The following HHAT variants were observed in gnomAD, a reference collection of about 807,000 sequenced individuals.
The protein encoded by HHAT is protein-cysteine N-palmitoyltransferase HHAT.
A neutral mutation model predicts 70.8 loss-of-function variants in HHAT; 47 were observed. The observed-to-expected ratio is 0.66, with a 90% CI of 0.53 to 0.85. The LOEUF is 0.85. Among genes scored for constraint, HHAT ranks in the 40% least tolerant of loss-of-function variants. The pLI, the probability that HHAT is intolerant of heterozygous loss-of-function variation, is 0.00. For synonymous variants in HHAT, 228 were observed against 247.6 expected (o/e 0.92, Z 0.74); for missense variants, 609 against 604.8 (o/e 1.01, Z -0.07).
intron 8 of HHAT, among the ~76,000 whole-genome samples, chr1:210,472,556 A>T (rs911222509): frequency 3.3e-5 from 5 of 152,322 alleles, no homozygotes; most frequent in Admixed American, 2.6e-4. Flanking sequence ...TGGCTTACAT[A>T]CTGACCCCTA....
chr1:210,597,456 C>T lies in HHAT; in HGVS notation c.1245+9357C>T, dbSNP rs372461132. On this transcript the variant is annotated intron_variant, in intron 10 of 11. Transcript: ENST00000261458. ...TGGTCCTGGGTGGGTCCTAAGATGCCATCCAGGAGCCAGGTCCTGGAGTCA... is the reference window on the plus strand; with the variant it reads ...TGGTCCTGGGTGGGTCCTAAGATGCTATCCAGGAGCCAGGTCCTGGAGTCA... 2.7e-4 allele frequency among the ~76,000 whole-genome samples: 41 copies of T among 152,096 alleles called. 1 individual carries two copies. The highest frequency in any genetic ancestry group is 9.9e-4 in the African/African-American group (41 of 41,534).
intron 3 of HHAT, among the ~76,000 whole-genome samples, chr1:210,368,401 C>G (rs561045066): frequency 1.8e-4 from 28 of 152,268 alleles, no homozygotes; most frequent in Non-Finnish European, 7.3e-5. Context: ...AAGTGATTCT[C>G]TTGCCTCAGC....
chr1:210,455,443 T>G (rs935592403), intron 7 of HHAT, among the ~76,000 whole-genome samples: 3 of 152,180 alleles, frequency 2.0e-5, no homozygotes, highest in African/African-American at 4.8e-5. Context: ...TTTTTTGGTT[T>G]GTTTCTTTGT....
intron 4 of HHAT, 60 bp downstream of exon 4, chr1:210,387,641 A>G (rs1168751242): frequency 7.5e-7 from 1 of 1,335,600 alleles, no homozygotes; most frequent in Non-Finnish European, 1.1e-6. Flanking sequence ...TTGTGAAGAA[A>G]GAGTCCAAGC....
intron 6 of HHAT, among the ~76,000 whole-genome samples, chr1:210,408,259 C>T (rs548137585): frequency 3.3e-5 from 5 of 152,100 alleles, no homozygotes; most frequent in African/African-American, 7.2e-5. Flanking sequence ...TTTAGCTCAT[C>T]GCAACCTCCA....
intron 4 of HHAT, among the ~76,000 whole-genome samples, chr1:210,395,550 C>G (rs537100080): frequency 6.6e-6 from 1 of 152,050 alleles, no homozygotes; most frequent in African/African-American, 2.4e-5. Context: ...GTACCTGTGC[C>G]CCATCAGTTG....
chr1:210,532,786 A>G (rs555119725), intron 9 of HHAT, among the ~76,000 whole-genome samples: 1 of 152,144 alleles, frequency 6.6e-6, no homozygotes, highest in Non-Finnish European at 1.5e-5. Context: ...ACAAACATTT[A>G]TGACATAATT....
At chr1:210,421,046 A>G (rs2092886972) in intron 7 of HHAT, among the ~76,000 whole-genome samples, 1 of 152,164 alleles carries the variant, frequency 6.6e-6, no homozygotes, top group Non-Finnish European at 1.5e-5. Flanking sequence ...AATTCTCACC[A>G]ACACTTGATA....
chr1:210,655,023 A>G (rs1241513243), intron 11 of HHAT, among the ~76,000 whole-genome samples: 4 of 152,214 alleles, frequency 2.6e-5, no homozygotes, highest in Admixed American at 1.3e-4. Context: ...CACGTCCCGA[A>G]CTGACCCAAA....
intron 8 of HHAT, among the ~76,000 whole-genome samples, chr1:210,512,684 A>AC (rs1363341531): frequency 6.1e-4 from 92 of 151,936 alleles, no homozygotes; most frequent in African/African-American, 2.1e-3. Context: ...AAAAAAAAAA[A>AC]AAAAAACCCA....
chr1:210,576,505 G>A lies in HHAT; in HGVS notation c.1044-11393G>A, dbSNP rs370025595. Among the ~76,000 whole-genome samples the A allele has an allele frequency of 1.6e-4, 22 of 135,656 alleles. No homozygotes were observed. The East Asian group carries it at 4.7e-3, about 29-fold the overall frequency. 89.0% of individuals were successfully genotyped at this position (135,656 alleles called of 152,430 possible). ...CACAGGAAGGGGAACATCACACACCGGGGACTGTTGTGGGGTCGGGGGAGG... is the reference window on the plus strand; with the variant it reads ...CACAGGAAGGGGAACATCACACACCAGGGACTGTTGTGGGGTCGGGGGAGG... On this transcript the variant is annotated intron_variant, in intron 9 of 11. Transcript: ENST00000261458.
intron 7 of HHAT, among the ~76,000 whole-genome samples, chr1:210,433,198 C>T (rs1025384168): frequency 1.1e-4 from 17 of 151,770 alleles, no homozygotes; most frequent in African/African-American, 9.7e-5. Flanking sequence ...TTTAGAGATG[C>T]GCCTATACCA....
Position 210,498,443 on chromosome 1 carries a change from A to G in HHAT, c.1008-14710A>G, listed in dbSNP as rs372611165. Reference sequence around the variant, plus strand: ...GGGAGAGGAATTTAGTTTTTATAACACAGATAGGGACCACTGGTAGCTTGA... The same window carrying G: ...GGGAGAGGAATTTAGTTTTTATAACGCAGATAGGGACCACTGGTAGCTTGA... On this transcript the variant is annotated intron_variant, in intron 8 of 11. Coordinates refer to ENST00000261458, the MANE Select transcript of HHAT (RefSeq NM_018194.6). Among the ~76,000 whole-genome samples, 7 of 152,328 alleles carry G rather than the reference A, an allele frequency of 4.6e-5. No homozygotes were observed. The South Asian group carries it at 8.3e-4, about 18-fold the overall frequency.
intron 10 of HHAT, among the ~76,000 whole-genome samples, chr1:210,592,404 G>T (rs1661935953): frequency 6.6e-6 from 1 of 151,784 alleles, no homozygotes; most frequent in African/African-American, 2.4e-5. Context: ...GTCTGTTTTT[G>T]CCCAATACTG....
Position 210,374,276 on chromosome 1 carries a change from A to G in HHAT, c.159+11357A>G, listed in dbSNP as rs562122934. 135 of 152,312 alleles carry G rather than the reference A, an allele frequency of 8.9e-4. 1 individual carries two copies. Among genetic ancestry groups the G allele is most frequent in the African/African-American group, 2.9e-3 (121 of 41,586 alleles). 9.4% of individuals were successfully genotyped at this position (152,312 alleles called of 1,614,324 possible). A position where few individuals can be genotyped will look rare whatever the true frequency, so the allele number is the denominator to read the frequency against. On this transcript the variant is annotated intron_variant, in intron 3 of 11. Transcript: ENST00000261458. Reference sequence around the variant, plus strand: ...TGAAGAGAAACCAGTGTAATGCTACAAATTAGTTCAACTCATTGTTGCAGT... The same window carrying G: ...TGAAGAGAAACCAGTGTAATGCTACGAATTAGTTCAACTCATTGTTGCAGT...
Position 210,391,372 on chromosome 1 carries a change from A to AT in HHAT, c.273+3798dup, listed in dbSNP as rs892817305. On this transcript the variant is annotated intron_variant, in intron 4 of 11. Transcript: ENST00000261458. ...AATATTGATGTTGGCACAGACAGAG[A>AT]TTTTTTTATACAAGACACAAAAAGT... Among the ~76,000 whole-genome samples, 404 of 151,804 alleles carry AT rather than the reference A, an allele frequency of 2.7e-3. 4 individuals are homozygous for AT. Among genetic ancestry groups the AT allele is most frequent in the African/African-American group, 8.7e-3 (362 of 41,520 alleles).
intron 2 of HHAT, among the ~76,000 whole-genome samples, chr1:210,357,485 A>G (rs950915653): frequency 6.6e-6 from 1 of 152,154 alleles, no homozygotes; most frequent in Non-Finnish European, 1.5e-5. Flanking sequence ...ATCCAAATCT[A>G]TTTCTCCATG....
At chr1:210,527,257 T>C (rs2095261671) in intron 9 of HHAT, among the ~76,000 whole-genome samples, 1 of 151,804 alleles carries the variant, frequency 6.6e-6, no homozygotes, top group African/African-American at 2.4e-5. Flanking sequence ...CGTCAGGTGC[T>C]CCCTTGCAGC....
intron 9 of HHAT, among the ~76,000 whole-genome samples, chr1:210,553,968 G>A (rs549584310): frequency 6.6e-6 from 1 of 152,212 alleles, no homozygotes; most frequent in South Asian, 2.1e-4. Flanking sequence ...TTCATCACTG[G>A]GATCTGTATT....
Sources: gnomAD v4.1 joint callset for allele counts (sites outside exome capture counted in the v4.1 genomes callset) on GRCh38, gnomAD v4.1.1 for gene constraint, MANE v1.5 for transcripts, NCBI Gene and HGNC (gene_info 2026-07-23, HGNC 2026-07-21) for gene names.